Variants in DLC1 observed in about 807,000 individuals in gnomAD.
The protein encoded by DLC1 is DLC1 Rho GTPase activating protein.
Under a neutral mutation model 140.3 loss-of-function variants are expected in DLC1, and 54 were observed. That is an observed-to-expected ratio of 0.38 (90% CI 0.31 to 0.48). DLC1 has a LOEUF of 0.48. DLC1 is among the 20% of genes least tolerant of loss of function. DLC1 has a pLI of 0.96. For missense variants in DLC1, 2,536 were observed against 1,907.0 expected (o/e 1.33, Z -6.14); for synonymous variants, 986 against 728.1 (o/e 1.35, Z -5.70).
intron 5 of DLC1, among the ~76,000 whole-genome samples, chr8:13,132,470 T>C (rs1317787974): frequency 6.6e-6 from 1 of 152,032 alleles, no homozygotes; most frequent in East Asian, 1.9e-4. Flanking sequence ...GTCTAAAATG[T>C]TCCCAAACAG....
chr8:13,111,329 G>T (rs750129875), intron 6 of DLC1, among the ~76,000 whole-genome samples: 1 of 152,186 alleles, frequency 6.6e-6, no homozygotes, highest in Non-Finnish European at 1.5e-5. Flanking sequence ...AAGAGCTAAG[G>T]AGAATTCAAG....
intron 5 of DLC1, chr8:13,214,892 T>G: frequency 1.5e-6 from 1 of 679,038 alleles, no homozygotes; most frequent in South Asian, 1.7e-5. Context: ...AGCGCCTTGC[T>G]CCATGACTGG....
At position 13,514,674 on chromosome 8, in the gene DLC1, C is replaced by G. The variant is rs1802526568; in HGVS notation, c.-198G>C. ...TCAGGCTAGGAAAGAAGTCCGTCCCCGTTAGTTTCTCCAAAATCTAAGTTC... is the reference window on the plus strand; with the variant it reads ...TCAGGCTAGGAAAGAAGTCCGTCCCGGTTAGTTTCTCCAAAATCTAAGTTC... On this transcript the variant is annotated 5_prime_UTR_variant, in exon 1 of 18. Transcript: ENST00000276297. 2.5e-6 allele frequency: 1 copy of G among 398,480 alleles called. No homozygotes were observed. Among genetic ancestry groups the G allele is most frequent in the South Asian group, 1.3e-4 (1 of 7,860 alleles). 24.7% of individuals were successfully genotyped at this position (398,480 alleles called of 1,614,324 possible).
intron 1 of DLC1, among the ~76,000 whole-genome samples, chr8:13,508,423 C>CT (rs11295861): frequency 0.016 from 2,342 of 146,306 alleles, 73 homozygotes; most frequent in African/African-American, 0.053. Context: ...ACTTCTTTTT[C>CT]TTTTTTTTTT....
upstream of DLC1, among the ~76,000 whole-genome samples, chr8:13,519,240 G>C (rs531065900): frequency 2.9e-3 from 439 of 149,814 alleles, 1 homozygote; most frequent in Non-Finnish European, 4.9e-3. Context: ...CCATTCTCCT[G>C]CCTCAGCCTC....
intron 2 of DLC1, among the ~76,000 whole-genome samples, chr8:13,479,259 A>G (rs1174418432): frequency 2.0e-5 from 3 of 152,212 alleles, no homozygotes; most frequent in South Asian, 4.1e-4. Context: ...GACTGCAACA[A>G]TAAATGTTTC....
chr8:13,240,214 G>A (rs867502747), intron 5 of DLC1, among the ~76,000 whole-genome samples: 8 of 152,034 alleles, frequency 5.3e-5, no homozygotes, highest in African/African-American at 9.7e-5. Context: ...CTCTTTTCCC[G>A]TAGTAGTGTC....
chr8:13,516,036 T>TA (rs1328592566), upstream of DLC1, among the ~76,000 whole-genome samples: 1 of 152,174 alleles, frequency 6.6e-6, no homozygotes, highest in Non-Finnish European at 1.5e-5. Context: ...TCATTGTTTA[T>TA]ACCAGGGAAG....
intron 5 of DLC1, among the ~76,000 whole-genome samples, chr8:13,188,603 C>CTTTT (rs769280491): frequency 1.7e-5 from 2 of 116,176 alleles, no homozygotes; most frequent in Non-Finnish European, 3.5e-5. Context: ...ATGTCTATTA[C>CTTTT]TTTTTTTTTT....
At chr8:13,228,223 C>G (rs111448676) in intron 5 of DLC1, among the ~76,000 whole-genome samples, 234 of 151,266 alleles carry the variant, frequency 1.5e-3, no homozygotes, top group African/African-American at 5.3e-3. Context: ...ATTTAGCAAA[C>G]AGATGGTTCT....
intron 4 of DLC1, among the ~76,000 whole-genome samples, chr8:13,390,845 A>G (rs112050944): frequency 0.15 from 23,420 of 151,982 alleles, 1,929 homozygotes; most frequent in South Asian, 0.19. Flanking sequence ...AAAATTAGCC[A>G]GGCGTGGTGG....
chr8:13,107,760 G>T (rs918703836), intron 7 of DLC1, among the ~76,000 whole-genome samples: 3 of 152,154 alleles, frequency 2.0e-5, no homozygotes, highest in African/African-American at 7.2e-5. Flanking sequence ...ACGTTTTAAA[G>T]AAAGTTGCTG....
chr8:13,327,003 G>A (rs2116927589), intron 4 of DLC1, among the ~76,000 whole-genome samples: 1 of 152,150 alleles, frequency 6.6e-6, no homozygotes, highest in Middle Eastern at 3.4e-3. Flanking sequence ...TGCCCAGGCT[G>A]GAGTGCAGTG....
At chr8:13,464,945 C>G (rs998509075) in intron 2 of DLC1, among the ~76,000 whole-genome samples, 3 of 151,990 alleles carry the variant, frequency 2.0e-5, no homozygotes, top group African/African-American at 7.3e-5. Flanking sequence ...CTATGTTGCT[C>G]AGGCTGTTAG....
intron 4 of DLC1, among the ~76,000 whole-genome samples, chr8:13,391,526 G>A (rs1316770998): frequency 6.6e-6 from 1 of 152,066 alleles, no homozygotes; most frequent in Non-Finnish European, 1.5e-5. Flanking sequence ...AAAAATTGAA[G>A]AAAGATTCCA....
chr8:13,561,660 A>G (rs1804247941), intron 1 of DLC1, among the ~76,000 whole-genome samples: 1 of 152,126 alleles, frequency 6.6e-6, no homozygotes, highest in Non-Finnish European at 1.5e-5. Context: ...TTATCTACCT[A>G]CCAGAGCTTT....
intron 5 of DLC1, among the ~76,000 whole-genome samples, chr8:13,258,620 G>A (rs1830351310): frequency 6.6e-6 from 1 of 152,130 alleles, no homozygotes; most frequent in Non-Finnish European, 1.5e-5. Context: ...TTTCTCTTTT[G>A]TAATTGCGGA....
chr8:13,095,377 T>A, intron 10 of DLC1, 132 bp from the exon 11 acceptor site: 1 of 1,156,894 alleles, frequency 8.6e-7, no homozygotes, highest in Non-Finnish European at 1.2e-6. Context: ...AAATTTAAAT[T>A]AAACAAAATG....
chr8:13,423,936 C>A (rs1838435950), intron 2 of DLC1, among the ~76,000 whole-genome samples: 3 of 152,162 alleles, frequency 2.0e-5, no homozygotes, highest in Admixed American at 2.0e-4. Flanking sequence ...GAATTATGAT[C>A]TCATTATTTT....
Sources: allele counts gnomAD v4.1 joint callset (sites outside exome capture counted in the v4.1 genomes callset), GRCh38; gene constraint gnomAD v4.1.1; transcripts MANE v1.5; gene names NCBI Gene and HGNC (gene_info 2026-07-23, HGNC 2026-07-21).